Variants in FER1L6 observed in about 807,000 individuals in gnomAD.
FER1L6 encodes the protein fer-1-like protein 6.
FER1L6 carries 177 observed loss-of-function variants against 219.2 expected under a neutral mutation model. That is an observed-to-expected ratio of 0.81 (90% CI 0.71 to 0.91). FER1L6 has a LOEUF of 0.91. Ranked by LOEUF, FER1L6 falls within the 40% of genes least tolerant of loss-of-function variation. The probability of loss-of-function intolerance (pLI) is 0.00; values close to 1 mark genes in which losing one functional copy is unlikely to be tolerated. For missense variants in FER1L6, 2,153 were observed against 2,259.9 expected, an observed-to-expected ratio of 0.95 and a Z score of 0.96; for synonymous variants, 768 against 824.3, an observed-to-expected ratio of 0.93 and a Z score of 1.17.
At chr8:124,080,598 G>T (rs1224248958) in intron 32 of FER1L6, among the ~76,000 whole-genome samples, 1 of 152,150 alleles carries the variant, frequency 6.6e-6, no homozygotes, top group Non-Finnish European at 1.5e-5. Flanking sequence ...GATTATAGTC[G>T]TGAGCCACCG....
rs1822595749 is a variant in FER1L6 at position 124,102,694 on chromosome 8, T to TA, written c.5126-451dup. Reference sequence around the variant, plus strand: ...TTCACTTCCTGTCCTGGAGAGTAGATACAAAGACAATAAGACTAGTGTCCG... The same window carrying TA: ...TTCACTTCCTGTCCTGGAGAGTAGATAACAAAGACAATAAGACTAGTGTCCG... On this transcript the variant is annotated intron_variant, in intron 38 of 40. Coordinates refer to ENST00000522917, the MANE Select transcript of FER1L6 (RefSeq NM_001039112.2). Among the ~76,000 whole-genome samples the TA allele has an allele frequency of 2.0e-5, 3 of 152,162 alleles. No individual in the cohort carries two copies. The South Asian group carries it at 6.2e-4, about 32-fold the overall frequency.
At chr8:123,896,783 C>T (rs11988098) in intron 1 of FER1L6, among the ~76,000 whole-genome samples, 4,070 of 152,124 alleles carry the variant, frequency 0.027, 174 homozygotes, top group African/African-American at 0.093. Flanking sequence ...CTTTAAACAC[C>T]ATCTATATGC....
rs757158476 is a variant in FER1L6 at position 124,021,590 on chromosome 8, A to T, written c.2054A>T (p.Gln685Leu). ...GAGGCCAAGGGGATCATTCAGCAGC[A>T]GAAGAAAAAGTTATCTGTTGATGAA... Reference protein sequence around the residue: ...CKEAKGIIQQQKKKLSVDEMI... With the variant: ...CKEAKGIIQQLKKKLSVDEMI... The change falls in exon 17 of 41, where the codon CAG (glutamine) becomes CTG (leucine). Residue 685 changes from glutamine to leucine, a missense_variant. Transcript: ENST00000522917. 5.6e-6 allele frequency: 9 copies of T among 1,614,200 alleles called. No homozygotes were observed. Among genetic ancestry groups the T allele is most frequent in the Non-Finnish European group, 6.8e-6 (8 of 1,180,008 alleles).
chr8:123,877,955 A>G (rs555267212), intron 1 of FER1L6, among the ~76,000 whole-genome samples: 1 of 152,204 alleles, frequency 6.6e-6, no homozygotes, highest in Non-Finnish European at 1.5e-5. Flanking sequence ...TTGGGGAGAG[A>G]GCTCTATAGA....
At chr8:123,933,780 T>C (rs1813875608) in intron 1 of FER1L6, among the ~76,000 whole-genome samples, 1 of 152,194 alleles carries the variant, frequency 6.6e-6, no homozygotes, top group African/African-American at 2.4e-5. Flanking sequence ...CCAAATCCTA[T>C]CCGGTTTCAC....
At chr8:124,103,642 G>A (rs1332044941) in intron 39 of FER1L6, among the ~76,000 whole-genome samples, 1 of 152,140 alleles carries the variant, frequency 6.6e-6, no homozygotes, top group Non-Finnish European at 1.5e-5. Flanking sequence ...TGTAAGACAT[G>A]ATTTAAAAAG....
At chr8:123,865,391 A>C (rs1235484602) in intron 1 of FER1L6, among the ~76,000 whole-genome samples, 13 of 150,300 alleles carry the variant, frequency 8.6e-5, no homozygotes, top group Admixed American at 3.3e-4. Context: ...CAAAGCTGTC[A>C]GACAGGGACA....
intron 1 of FER1L6, among the ~76,000 whole-genome samples, chr8:123,896,275 T>A (rs967682744): frequency 4.6e-5 from 7 of 152,252 alleles, no homozygotes; most frequent in South Asian, 2.1e-4. Flanking sequence ...GTGTTATTCA[T>A]TCTAAGTAGA....
At chr8:123,874,367 C>T (rs2130282580) in intron 1 of FER1L6, among the ~76,000 whole-genome samples, 1 of 152,358 alleles carries the variant, frequency 6.6e-6, no homozygotes, top group African/African-American at 2.4e-5. Flanking sequence ...CTTCATGCCT[C>T]AGAATCACCC....
intron 22 of FER1L6, among the ~76,000 whole-genome samples, chr8:124,057,851 T>C (rs1012300525): frequency 1.1e-4 from 16 of 152,230 alleles, no homozygotes; most frequent in African/African-American, 3.9e-4. Context: ...TTTTTTATTA[T>C]AGATTTCATT....
intron 1 of FER1L6, among the ~76,000 whole-genome samples, chr8:123,940,802 A>C (rs1405149561): frequency 1.3e-5 from 2 of 152,166 alleles, no homozygotes; most frequent in East Asian, 3.9e-4. Context: ...GTTGGCATTG[A>C]ATGCTTTAAG....
At chr8:123,912,633 G>A (rs1469027241) in intron 1 of FER1L6, among the ~76,000 whole-genome samples, 1 of 151,892 alleles carries the variant, frequency 6.6e-6, no homozygotes, top group African/African-American at 2.4e-5. Flanking sequence ...ATCATTTTAC[G>A]AATGAAAAAA....
chr8:124,035,276 G>A lies in FER1L6; in HGVS notation c.2287-1G>A. ...CAGTCTTTTTTGTAACCTTTCTCCA[G>A]CCTCCTGGGAAACGACCGGCTGGTT... On this transcript the variant is annotated splice_acceptor_variant, in intron 18 of 40. Transcript: ENST00000522917. LOFTEE classifies it high-confidence loss of function. 6.2e-7 allele frequency: 1 copy of A among 1,612,630 alleles called. No homozygotes were observed. Among genetic ancestry groups the A allele is most frequent in the Non-Finnish European group, 8.5e-7 (1 of 1,179,360 alleles).
intron 27 of FER1L6, 145 bp from the exon 28 acceptor site, chr8:124,067,622 C>T: frequency 1.4e-6 from 1 of 716,922 alleles, no homozygotes; most frequent in South Asian, 1.9e-5. Flanking sequence ...TACAGTGCGG[C>T]TTCATTTTGG....
At chr8:124,008,521 C>G (rs1239242090) in intron 13 of FER1L6, among the ~76,000 whole-genome samples, 2 of 152,142 alleles carry the variant, frequency 1.3e-5, no homozygotes, top group Non-Finnish European at 2.9e-5. Context: ...AGACCTGAAA[C>G]TATAAAAATT....
chr8:124,116,415 C>T lies in FER1L6; in HGVS notation c.5290-2429C>T, dbSNP rs538207551. Among the ~76,000 whole-genome samples, 488 of 150,606 alleles carry T rather than the reference C, an allele frequency of 3.2e-3. 4 individuals carry two copies. Among genetic ancestry groups the T allele is most frequent in the African/African-American group, 0.012 (473 of 40,496 alleles). Reference sequence around the variant, plus strand: ...AGCCAAAAAGGGCATGCATGAAACACCATGCAAGTTATAAAGTGCCATAGC... The same window carrying T: ...AGCCAAAAAGGGCATGCATGAAACATCATGCAAGTTATAAAGTGCCATAGC... On this transcript the variant is annotated intron_variant, in intron 39 of 40. Transcript: ENST00000522917.
intron 21 of FER1L6, among the ~76,000 whole-genome samples, chr8:124,048,527 T>C (rs1316017338): frequency 2.6e-5 from 4 of 151,962 alleles, no homozygotes; most frequent in Non-Finnish European, 5.9e-5. Context: ...ATACTTCTTA[T>C]AGAAACATAT....
At chr8:124,021,423 C>G in intron 16 of FER1L6, 127 bp from the exon 17 acceptor site, 1 of 1,299,308 alleles carries the variant, frequency 7.7e-7, no homozygotes, top group African/African-American at 1.5e-5. Context: ...GGTGGCAGAC[C>G]CTGGAACAGT....
chr8:124,072,188 G>A (rs1040186039), intron 31 of FER1L6, among the ~76,000 whole-genome samples: 1 of 152,204 alleles, frequency 6.6e-6, no homozygotes, highest in Admixed American at 6.5e-5. Context: ...AAGACGGGGG[G>A]AAGGACCAAG....
Sources: allele counts gnomAD v4.1 joint callset (sites outside exome capture counted in the v4.1 genomes callset), GRCh38; gene constraint gnomAD v4.1.1; transcripts MANE v1.5; gene names NCBI Gene and HGNC (gene_info 2026-07-23, HGNC 2026-07-21).